Variants in NT5DC4 observed in about 807,000 individuals in gnomAD.
The protein encoded by NT5DC4 is 5'-nucleotidase domain-containing protein 4.
A neutral mutation model predicts 26.6 loss-of-function variants in NT5DC4; 44 were observed. The ratio of observed to expected loss-of-function variants is 1.65; its 90% CI spans 1.30 to 2.13. The LOEUF (loss-of-function observed/expected upper bound fraction) is 2.13, where lower values mean the gene tolerates loss of function less well. Ranked by LOEUF, NT5DC4 falls within the 30% of genes most tolerant of loss-of-function variation. NT5DC4 has a pLI of 0.00. For missense variants in NT5DC4, 399 were observed against 228.1 expected (o/e 1.75, Z -4.83); for synonymous variants, 157 against 86.7 (o/e 1.81, Z -4.51).
chr2:112,719,897 T>A (rs868574387), upstream of NT5DC4, among the ~76,000 whole-genome samples: 1 of 102,610 alleles, frequency 9.7e-6, no homozygotes, highest in Non-Finnish European at 2.0e-5. Flanking sequence ...TTCCTTTCTT[T>A]CTTTCTTTTT....
downstream of NT5DC4, chr2:112,739,169 GAT>G: frequency 1.3e-6 from 1 of 769,276 alleles, no homozygotes; most frequent in South Asian, 1.9e-5. Context: ...TGATACAAGA[GAT>G]ATGTCTAGAG....
Position 112,722,507 on chromosome 2 carries a change from C to A in NT5DC4, c.387C>A (p.Ile129=). The A allele has an allele frequency of 1.4e-6, 1 of 717,370 alleles. No individual in the cohort carries two copies. The highest frequency in any genetic ancestry group is 2.6e-6 in the Non-Finnish European group (1 of 385,074). The allele number at this position is 717,370 out of a possible 1,614,324, so 44.4% of individuals were successfully genotyped here. A position where few individuals can be genotyped will look rare whatever the true frequency, so the allele number is the denominator to read the frequency against. The part of the protein sequence containing the change: ...LSDLPLLRAE[I]WSFYPSKFIQ... The stretch of plus-strand genomic sequence containing the variant: ...GCCTACCCCTCCTCAGGGCAGAGAT[C>A]TGGAGCTTCTACCCCAGCAAGTTCA... The change falls in exon 5 of 17, where the codon ATC becomes ATA. Residue 129 remains isoleucine (I), a synonymous_variant. Transcript: ENST00000688554.
intron 16 of NT5DC4, chr2:112,737,763 C>T (rs1221872850): frequency 6.6e-6 from 1 of 152,126 alleles, no homozygotes; most frequent in African/African-American, 2.4e-5. Flanking sequence ...GTAATGAATG[C>T]TCCTTGTTTC....
At position 112,723,107 on chromosome 2, in the gene NT5DC4, A is replaced by G. The variant is rs1473661484; in HGVS notation, c.554A>G (p.Asn185Ser). ...TGTGACACCGGCTATCAGCATGGGA[A>G]CCTCTTCATGTCCTTCCGAAGCCTC... ...TNCDTGYQHG[N>S]LFMSFRSLFQ... Residue 185 changes from asparagine to serine, a missense_variant, in exon 7 of 17, where the codon AAC (asparagine) becomes AGC (serine). By Grantham distance (46) the Asn-to-Ser change is conservative. Coordinates refer to ENST00000688554, the MANE Select transcript of NT5DC4 (RefSeq NM_001393655.1). 2 of 716,710 alleles carry G rather than the reference A, an allele frequency of 2.8e-6. No individual in the cohort carries two copies. The highest frequency in any genetic ancestry group is 2.6e-6 in the Non-Finnish European group (1 of 384,868). 44.4% of individuals were successfully genotyped at this position (716,710 alleles called of 1,614,324 possible).
intron 1 of NT5DC4, chr2:112,721,431 C>T (rs1676850230): frequency 1.4e-6 from 1 of 716,224 alleles, no homozygotes; most frequent in Admixed American, 2.0e-5. Context: ...CCAATTGTGA[C>T]AAACACATCA....
chr2:112,726,937 T>C (rs1297845396), intron 15 of NT5DC4, 199 bp downstream of exon 15: 2 of 609,106 alleles, frequency 3.3e-6, no homozygotes, highest in African/African-American at 1.8e-5. Flanking sequence ...CGGTACCCTC[T>C]TGAAGGGCTG....
intron 1 of NT5DC4, chr2:112,721,617 T>A (rs1676871056): frequency 1.4e-6 from 1 of 717,204 alleles, no homozygotes. Context: ...CACACATGCT[T>A]ACATGCACAC....
In NT5DC4 at chr2:112,723,095, A is replaced by G. The variant is rs778399962; in HGVS notation, c.542A>G (p.Tyr181Cys). 10 of 716,432 alleles carry G rather than the reference A, an allele frequency of 1.4e-5. No homozygotes were observed. The highest frequency in any genetic ancestry group is 2.3e-4 in the Middle Eastern group (1 of 4,366). The allele number at this position is 716,432 out of a possible 1,614,324, so 44.4% of individuals were successfully genotyped here. A position where few individuals can be genotyped will look rare whatever the true frequency, so the allele number is the denominator to read the frequency against. The change falls in exon 7 of 17, where the codon TAT (tyrosine) becomes TGT (cysteine). Residue 181 changes from tyrosine to cysteine, a missense_variant. Physicochemically the swap from Tyr to Cys is radical, Grantham distance 194. Coordinates refer to ENST00000688554, the MANE Select transcript of NT5DC4 (RefSeq NM_001393655.1). Reference protein sequence around the residue: ...CSRYTNCDTGYQHGNLFMSFR... With the variant: ...CSRYTNCDTGCQHGNLFMSFR... ...GCCTGCCCCAGTTGTGACACCGGCTATCAGCATGGGAACCTCTTCATGTCC... is the reference window on the plus strand; with the variant it reads ...GCCTGCCCCAGTTGTGACACCGGCTGTCAGCATGGGAACCTCTTCATGTCC...
intron 3 of NT5DC4, 23 bp from the exon 4 acceptor site, chr2:112,722,160 G>GC (rs1231799435): frequency 3.4e-6 from 2 of 582,260 alleles, no homozygotes; most frequent in East Asian, 6.1e-5. Flanking sequence ...CACCCACAGT[G>GC]CCCCCCGACC....
At chr2:112,727,556 G>C (rs1176252397) in intron 15 of NT5DC4, among the ~76,000 whole-genome samples, 1 of 152,180 alleles carries the variant, frequency 6.6e-6, no homozygotes, top group African/African-American at 2.4e-5. Context: ...TCAGGGCCAG[G>C]CAGGTAACTG....
rs1574229472 is a variant in NT5DC4 at position 112,722,264 on chromosome 2, C to T, written c.348C>T (p.Phe116=). The stretch of plus-strand genomic sequence containing the variant: ...ATGTGCTGCTGGGTGCCTATGGCTT[C>T]ACCTTCCTCTCGGAGTAAGGGACAA... The part of the protein sequence containing the change: ...HGNVLLGAYG[F]TFLSDLPLLR... Residue 116 remains phenylalanine (F), a synonymous_variant, in exon 4 of 17, where the codon TTC becomes TTT. Coordinates refer to ENST00000688554, the MANE Select transcript of NT5DC4 (RefSeq NM_001393655.1). 1.4e-6 allele frequency: 1 copy of T among 717,012 alleles called. No individual in the cohort carries two copies. The highest frequency in any genetic ancestry group is 2.6e-6 in the Non-Finnish European group (1 of 385,070). The allele number at this position is 717,012 out of a possible 1,614,324, so 44.4% of individuals were successfully genotyped here. A position where few individuals can be genotyped will look rare whatever the true frequency, so the allele number is the denominator to read the frequency against.
At chr2:112,721,592 G>T (rs1214114831) in intron 1 of NT5DC4, 1 of 717,432 alleles carries the variant, frequency 1.4e-6, no homozygotes, top group Non-Finnish European at 2.6e-6. Flanking sequence ...TCAGATGCAC[G>T]CTTGCACACA....
At chr2:112,742,701 A>G (rs1348367974), downstream of NT5DC4, 11 of 1,567,728 alleles carry the variant, frequency 7.0e-6, no homozygotes, top group Non-Finnish European at 9.6e-6. Context: ...CAAAAATAAT[A>G]GTACCTTCTG....
At chr2:112,728,594 G>A (rs1018403311) in intron 15 of NT5DC4, among the ~76,000 whole-genome samples, 4 of 152,200 alleles carry the variant, frequency 2.6e-5, no homozygotes, top group African/African-American at 4.8e-5. Context: ...AGACCTCTGA[G>A]GCTCCCTGTC....
At chr2:112,737,751 T>A (rs752843845) in intron 16 of NT5DC4, 3 of 152,148 alleles carry the variant, frequency 2.0e-5, no homozygotes, top group Non-Finnish European at 4.4e-5. Context: ...CCATTCTCCT[T>A]GGTAATGAAT....
Position 112,726,653 on chromosome 2 carries a change from G to A in NT5DC4, c.1206-25G>A, listed in dbSNP as rs1439634993. ...ACTCGGAGGCTCTGTGCCTCCCCTG[G>A]GTCACCTAGCTATTTTTGTACCAGG... On this transcript the variant is annotated intron_variant, in intron 14 of 16. Coordinates refer to ENST00000688554, the MANE Select transcript of NT5DC4 (RefSeq NM_001393655.1). 5.6e-6 allele frequency: 4 copies of A among 717,330 alleles called. No individual in the cohort carries two copies. The South Asian group carries it at 5.9e-5, about 11-fold the overall frequency. 44.4% of individuals were successfully genotyped at this position (717,330 alleles called of 1,614,324 possible). A position where few individuals can be genotyped will look rare whatever the true frequency, so the allele number is the denominator to read the frequency against.
chr2:112,725,618 C>T (rs1574251547), intron 13 of NT5DC4, 66 bp downstream of exon 13: 11 of 602,232 alleles, frequency 1.8e-5, no homozygotes, highest in Non-Finnish European at 3.4e-5. Flanking sequence ...CCCAGCACTG[C>T]CTTCTCCTTT....
At chr2:112,719,934 CTTTCTTTCTTTCTTTCTTTCTTTCTTTCT>C (rs1264931707), upstream of NT5DC4, among the ~76,000 whole-genome samples, 3 of 65,952 alleles carry the variant, frequency 4.5e-5, 1 homozygote, top group African/African-American at 2.0e-4. Flanking sequence ...CTCTTTCTTT[CTTTCTTTCTTTCTTTCTTTCTTTCTTTCT>C]TTCTTTCTTT....
intron 16 of NT5DC4, among the ~76,000 whole-genome samples, chr2:112,733,562 G>C (rs1678727057): frequency 6.6e-6 from 1 of 152,226 alleles, no homozygotes; most frequent in Non-Finnish European, 1.5e-5. Context: ...CTTCCAGCTG[G>C]CTGGAGAGTG....
Sources: allele counts gnomAD v4.1 joint callset (sites outside exome capture counted in the v4.1 genomes callset), GRCh38; gene constraint gnomAD v4.1.1; transcripts MANE v1.5; gene names NCBI Gene and HGNC (gene_info 2026-07-23, HGNC 2026-07-21).